Variants in CCDC171 observed in about 807,000 individuals in gnomAD.
The protein encoded by CCDC171 is coiled-coil domain-containing protein 171.
In CCDC171, 177 loss-of-function variants were observed where a neutral mutation model predicts 168.2. The observed-to-expected ratio is 1.05, with a 90% CI of 0.93 to 1.19. The LOEUF (loss-of-function observed/expected upper bound fraction) is 1.19. Ranked by LOEUF, CCDC171 falls within the 50% of genes most tolerant of loss-of-function variation. The pLI is 0.00. For missense variants in CCDC171, 1,991 were observed against 1,539.0 expected (o/e 1.29, Z -4.91); for synonymous variants, 687 against 540.8 (o/e 1.27, Z -3.75).
intron 3 of CCDC171, among the ~76,000 whole-genome samples, chr9:15,997,057 T>G (rs528309942): frequency 6.6e-5 from 10 of 152,236 alleles, no homozygotes; most frequent in African/African-American, 2.4e-4. Flanking sequence ...GATTAAAAGA[T>G]ATTTATTGAA....
rs138004906 is a variant in CCDC171, at chr9:15,577,211, G to A, written c.178-1638G>A. Among the ~76,000 whole-genome samples the A allele has an allele frequency of 4.7e-4, 71 of 152,254 alleles. 1 individual carries two copies. Among genetic ancestry groups the A allele is most frequent in the African/African-American group, 1.6e-3 (67 of 41,548 alleles). On this transcript the variant is annotated intron_variant, in intron 3 of 25. Transcript: ENST00000380701. ...TCTGCCCTGGGGCTGTACTAAATAA[G>A]CAGTTATTTTAAAGTCACCATAAAA...
intron 23 of CCDC171, among the ~76,000 whole-genome samples, chr9:15,862,716 A>T (rs1326912226): frequency 6.6e-6 from 1 of 152,026 alleles, no homozygotes; most frequent in South Asian, 2.1e-4. Flanking sequence ...ACTTGGCCAG[A>T]GCTTCTATGG....
At chr9:15,865,444 G>T (rs563536746) in intron 23 of CCDC171, among the ~76,000 whole-genome samples, 1 of 151,154 alleles carries the variant, frequency 6.6e-6, no homozygotes, top group East Asian at 2.0e-4. Context: ...TTCGAATTGT[G>T]TGGGTCCACT....
intron 4 of CCDC171, among the ~76,000 whole-genome samples, chr9:16,021,407 T>G (rs1833160142): frequency 6.6e-6 from 1 of 152,192 alleles, no homozygotes; most frequent in Non-Finnish European, 1.5e-5. Context: ...ATTACTTAAA[T>G]TTATAACTAT....
In CCDC171 at chr9:15,728,016, C is replaced by T; in HGVS notation, c.1840C>T (p.Leu614Phe). 6.2e-7 allele frequency: 1 copy of T among 1,612,034 alleles called. No individual in the cohort carries two copies. Among genetic ancestry groups the T allele is most frequent in the Non-Finnish European group, 8.5e-7 (1 of 1,178,966 alleles). Residue 614 changes from leucine to phenylalanine, a missense_variant, in exon 15 of 26, where the codon CTC becomes TTC. Coordinates refer to ENST00000380701, the MANE Select transcript of CCDC171 (RefSeq NM_173550.4). ...QENVDALIADLNRANEKIRHL... is the reference protein window; with the variant it reads ...QENVDALIADFNRANEKIRHL... ...GAATGTTGATGCCCTGATTGCAGACCTCAACAGGGCTAATGAGAAGGTAAC... is the reference window on the plus strand; with the variant it reads ...GAATGTTGATGCCCTGATTGCAGACTTCAACAGGGCTAATGAGAAGGTAAC...
At chr9:16,048,604 A>G (rs1586860231) in intron 1 of CCDC171, among the ~76,000 whole-genome samples, 1 of 152,320 alleles carries the variant, frequency 6.6e-6, no homozygotes, top group South Asian at 2.1e-4. Flanking sequence ...CAGTTCTGCC[A>G]TTGCCATTTA....
In CCDC171 at chr9:15,810,248, G is replaced by C. The variant is rs574215109; in HGVS notation, c.3267+25554G>C. On this transcript the variant is annotated intron_variant, in intron 21 of 25. Transcript: ENST00000380701. ...ATCCACCAACCCTGAGCTAGACACA[G>C]AGTGCTGATTGGTGCATATACAATC... Among the ~76,000 whole-genome samples, 395 of 152,340 alleles carry C rather than the reference G, an allele frequency of 2.6e-3. 2 individuals are homozygous for C. The highest frequency in any genetic ancestry group is 4.1e-3 in the South Asian group (20 of 4,826).
rs1051653228 is a variant in CCDC171 at position 16,009,563 on chromosome 9, C to T, written n.369-11026C>T. On this transcript the variant is annotated intron_variant and non_coding_transcript_variant, in intron 3 of 9. Coordinates refer to the CCDC171 transcript ENST00000486641. The stretch of plus-strand genomic sequence containing the variant: ...TTAAGCTTTTTGATCATTTCCCTTA[C>T]GATTCTTTCTGGTAAGTGAATGAGA... 7.9e-5 allele frequency among the ~76,000 whole-genome samples: 12 copies of T among 152,090 alleles called. No individual in the cohort carries two copies. In the South Asian group the frequency reaches 8.3e-4, roughly 11 times the overall value.
intron 24 of CCDC171, among the ~76,000 whole-genome samples, chr9:15,911,590 C>G (rs1168966712): frequency 6.6e-6 from 1 of 152,272 alleles, no homozygotes; most frequent in East Asian, 1.9e-4. Context: ...GTTGCCGTTG[C>G]TTTTGGTGTT....
intron 7 of CCDC171, among the ~76,000 whole-genome samples, chr9:15,625,984 T>G (rs973140981): frequency 2.0e-5 from 3 of 152,200 alleles, no homozygotes; most frequent in African/African-American, 7.2e-5. Flanking sequence ...TGTGTTCTCT[T>G]TCATTTCATT....
the CCDC171 span, among the ~76,000 whole-genome samples, chr9:16,083,311 C>G: frequency 6.6e-6 from 1 of 152,096 alleles, no homozygotes; most frequent in Non-Finnish European, 1.5e-5. Flanking sequence ...CTCAGGGAAG[C>G]AAAGTAGTTT....
At chr9:15,892,901 C>A (rs1367724856) in intron 24 of CCDC171, among the ~76,000 whole-genome samples, 1 of 152,074 alleles carries the variant, frequency 6.6e-6, no homozygotes, top group East Asian at 1.9e-4. Flanking sequence ...CATTAAACTA[C>A]CATTGACATT....
intron 18 of CCDC171, among the ~76,000 whole-genome samples, chr9:15,757,100 A>G (rs184682934): frequency 7.5e-4 from 114 of 152,328 alleles, no homozygotes; most frequent in African/African-American, 2.6e-3. Flanking sequence ...GAAAATGTGG[A>G]AAGATACCTG....
At chr9:15,899,950 T>C (rs1821402944) in intron 24 of CCDC171, among the ~76,000 whole-genome samples, 1 of 152,214 alleles carries the variant, frequency 6.6e-6, no homozygotes, top group South Asian at 2.1e-4. Context: ...CCCAAAGATT[T>C]TTTCATATAT....
At chr9:16,085,167 T>A in the CCDC171 span, among the ~76,000 whole-genome samples, 1 of 152,238 alleles carries the variant, frequency 6.6e-6, no homozygotes, top group Non-Finnish European at 1.5e-5. Flanking sequence ...GTGCCCCTTG[T>A]CCTCTTATCT....
At chr9:15,953,053 C>G (rs10810503) in intron 25 of CCDC171, among the ~76,000 whole-genome samples, 1 of 151,964 alleles carries the variant, frequency 6.6e-6, no homozygotes, top group Non-Finnish European at 1.5e-5. Flanking sequence ...TTGCTGAATT[C>G]ATTTATTATT....
chr9:15,912,638 G>T (rs199975868), intron 24 of CCDC171, among the ~76,000 whole-genome samples: 1 of 152,132 alleles, frequency 6.6e-6, no homozygotes, highest in Admixed American at 6.5e-5. Flanking sequence ...GAATGCTTCC[G>T]GTTTTTGCCC....
intron 21 of CCDC171, among the ~76,000 whole-genome samples, chr9:15,789,568 C>T (rs559424229): frequency 7.9e-5 from 12 of 152,188 alleles, no homozygotes; most frequent in African/African-American, 2.4e-4. Flanking sequence ...GTAAGATCAA[C>T]GAAGTAACTG....
intron 9 of CCDC171, among the ~76,000 whole-genome samples, chr9:15,669,402 A>G (rs982820739): frequency 6.6e-6 from 1 of 152,186 alleles, no homozygotes; most frequent in Admixed American, 6.5e-5. Context: ...CAAGCATACA[A>G]TGTGTGATGA....
Sources: gnomAD v4.1 joint callset for allele counts (sites outside exome capture counted in the v4.1 genomes callset) on GRCh38, gnomAD v4.1.1 for gene constraint, MANE v1.5 for transcripts, NCBI Gene and HGNC (gene_info 2026-07-23, HGNC 2026-07-21) for gene names.